ANK2: variants seen among roughly 807,000 people sequenced by gnomAD.
ANK2 encodes ankyrin 2, also known as ankyrin-2.
Under a neutral mutation model 360.5 loss-of-function variants are expected in ANK2, and 83 were observed. The observed-to-expected ratio is 0.23, with a 90% CI of 0.19 to 0.28. ANK2 has a LOEUF of 0.28. Among genes scored for constraint, ANK2 ranks in the 10% least tolerant of loss-of-function variants. The probability of loss-of-function intolerance (pLI) is 1.00; values close to 1 mark genes in which losing one functional copy is unlikely to be tolerated. For missense variants in ANK2, 4,201 were observed against 4,795.7 expected (o/e 0.88, Z 3.66); for synonymous variants, 1,740 against 1,759.5 (o/e 0.99, Z 0.28).
intron 2 of ANK2, among the ~76,000 whole-genome samples, chr4:112,909,497 A>C (rs1248384439): frequency 1.3e-5 from 2 of 152,196 alleles, no homozygotes; most frequent in Admixed American, 1.3e-4. Flanking sequence ...TTTTATATGC[A>C]GTTCTTGTGA....
chr4:113,005,583 G>T (rs2052549435), intron 2 of ANK2, among the ~76,000 whole-genome samples: 2 of 152,128 alleles, frequency 1.3e-5, no homozygotes, highest in Admixed American at 6.5e-5. Context: ...AGACTGTGAG[G>T]GGTGGGTAGG....
At chr4:112,826,882 C>G (rs1403401400) in intron 1 of ANK2, 6 of 1,500,986 alleles carry the variant, frequency 4.0e-6, no homozygotes, top group Non-Finnish European at 5.6e-6. Flanking sequence ...GATGTGACTT[C>G]TATGGCAGGG....
At chr4:112,998,749 G>T (rs2049547068) in intron 2 of ANK2, among the ~76,000 whole-genome samples, 1 of 152,276 alleles carries the variant, frequency 6.6e-6, no homozygotes, top group African/African-American at 2.4e-5. Flanking sequence ...ATGTCATTGT[G>T]AATTTTGAAT....
chr4:113,093,685 A>C (rs574061121), intron 1 of ANK2, among the ~76,000 whole-genome samples: 3 of 152,326 alleles, frequency 2.0e-5, no homozygotes, highest in Admixed American at 1.3e-4. Flanking sequence ...ATGCCAACAC[A>C]TTTATTAAAG....
At chr4:112,892,257 G>A (rs2080259562) in intron 1 of ANK2, among the ~76,000 whole-genome samples, 1 of 152,186 alleles carries the variant, frequency 6.6e-6, no homozygotes, top group Non-Finnish European at 1.5e-5. Flanking sequence ...TTGGTGTTAT[G>A]TGCTAGAAAA....
At chr4:113,054,826 T>G (rs954209808) in intron 1 of ANK2, among the ~76,000 whole-genome samples, 1 of 152,196 alleles carries the variant, frequency 6.6e-6, no homozygotes, top group African/African-American at 2.4e-5. Flanking sequence ...TATTCTGTGA[T>G]TTTCTTTCAA....
chr4:112,841,512 A>G (rs781665117), intron 1 of ANK2, among the ~76,000 whole-genome samples: 14 of 152,152 alleles, frequency 9.2e-5, no homozygotes, highest in Non-Finnish European at 1.9e-4. Context: ...TGGCATGCAA[A>G]CAGATCTGAA....
At chr4:113,095,066 G>T (rs1216476159) in intron 1 of ANK2, among the ~76,000 whole-genome samples, 3 of 152,158 alleles carry the variant, frequency 2.0e-5, no homozygotes, top group East Asian at 1.9e-4. Context: ...AGTCTAATTG[G>T]CAGGGGCTGG....
chr4:113,047,145 G>A (rs1003683579), upstream of ANK2, among the ~76,000 whole-genome samples: 4 of 152,070 alleles, frequency 2.6e-5, no homozygotes, highest in Admixed American at 2.6e-4. Flanking sequence ...TCCCATCTCG[G>A]GACCTTTGAA....
the ANK2 span, among the ~76,000 whole-genome samples, chr4:112,796,747 A>G: frequency 6.6e-6 from 1 of 152,006 alleles, no homozygotes; most frequent in Non-Finnish European, 1.5e-5. Flanking sequence ...GCCTGTTGTA[A>G]CAAGCAGTTT....
At chr4:112,945,361 G>C (rs2094480069) in intron 2 of ANK2, among the ~76,000 whole-genome samples, 1 of 152,174 alleles carries the variant, frequency 6.6e-6, no homozygotes, top group South Asian at 2.1e-4. Context: ...AAACCAAAAA[G>C]AGTAAATAAT....
chr4:112,857,751 G>A lies in ANK2; in HGVS notation c.-40+39487G>A, dbSNP rs571676576. ...ACTTGAAGTATCATAAAATATGCAG[G>A]GGTGGGTCTGGATACTAAGGGATCC... On this transcript the variant is annotated intron_variant, in intron 1 of 30. Transcript: ENST00000503271. 2.0e-5 allele frequency among the ~76,000 whole-genome samples: 3 copies of A among 152,242 alleles called. No individual in the cohort carries two copies. In the East Asian group the frequency reaches 5.8e-4, roughly 29 times the overall value.
chr4:113,167,688 T>C (rs1242989572), intron 1 of ANK2, among the ~76,000 whole-genome samples: 2 of 152,188 alleles, frequency 1.3e-5, no homozygotes, highest in Admixed American at 6.5e-5. Context: ...TCTTGATATG[T>C]AGGAAGTGTA....
At chr4:113,220,742 G>T (rs2099141106) in intron 4 of ANK2, among the ~76,000 whole-genome samples, 1 of 152,166 alleles carries the variant, frequency 6.6e-6, no homozygotes, top group African/African-American at 2.4e-5. Flanking sequence ...GTAGAATGGG[G>T]TGATGGTAAT....
chr4:113,279,485 CTGTGTTT>C (rs2061440212), intron 17 of ANK2, among the ~76,000 whole-genome samples: 1 of 151,842 alleles, frequency 6.6e-6, no homozygotes, highest in East Asian at 1.9e-4. Context: ...GAGCTTGTAC[CTGTGTTT>C]GACCTCAGGC....
chr4:113,094,338 A>T (rs2089992045), intron 1 of ANK2, among the ~76,000 whole-genome samples: 1 of 152,186 alleles, frequency 6.6e-6, no homozygotes, highest in South Asian at 2.1e-4. Context: ...TTTCTTATCA[A>T]CCTATCTCTG....
At chr4:113,282,946 G>T in intron 18 of ANK2, 74 bp downstream of exon 18, 1 of 1,494,882 alleles carries the variant, frequency 6.7e-7, no homozygotes. Context: ...CAGACAGTTT[G>T]GAACAAAAAG....
At chr4:113,069,499 A>G (rs1179436354) in intron 1 of ANK2, among the ~76,000 whole-genome samples, 1 of 152,204 alleles carries the variant, frequency 6.6e-6, no homozygotes, top group African/African-American at 2.4e-5. Context: ...ATAAGGTCAT[A>G]AGAGTTCCAT....
At chr4:112,711,208 AG>A in the ANK2 span, among the ~76,000 whole-genome samples, 1 of 150,122 alleles carries the variant, frequency 6.7e-6, no homozygotes, top group Non-Finnish European at 1.5e-5. Flanking sequence ...AAAAAAAAAA[AG>A]TCAGGGTCTC....
Sources: gnomAD v4.1 joint callset for allele counts (sites outside exome capture counted in the v4.1 genomes callset) on GRCh38, gnomAD v4.1.1 for gene constraint, MANE v1.5 for transcripts, NCBI Gene and HGNC (gene_info 2026-07-23, HGNC 2026-07-21) for gene names.